The following SDK1 variants were observed in gnomAD, a reference collection of about 807,000 sequenced individuals.
SDK1 encodes the protein sidekick cell adhesion molecule 1.
SDK1 carries 157 observed loss-of-function variants against 245.5 expected under a neutral mutation model. That is an observed-to-expected ratio of 0.64 (90% CI 0.56 to 0.73). SDK1 has a LOEUF of 0.73. Ranked by LOEUF, SDK1 falls within the 30% of genes least tolerant of loss-of-function variation. The pLI is 0.00. For synonymous variants in SDK1, 1,647 were observed against 1,278.5 expected (o/e 1.29, Z -6.15); for missense variants, 3,583 against 3,002.3 (o/e 1.19, Z -4.52).
At chr7:4,237,164 C>A (rs1286013931) in intron 41 of SDK1, among the ~76,000 whole-genome samples, 1 of 152,152 alleles carries the variant, frequency 6.6e-6, no homozygotes, top group African/African-American at 2.4e-5. Context: ...AGTGCTGGGA[C>A]TTCAGGCACA....
At chr7:3,535,949 C>T (rs922856724) in intron 1 of SDK1, among the ~76,000 whole-genome samples, 2 of 151,922 alleles carry the variant, frequency 1.3e-5, no homozygotes, top group African/African-American at 4.8e-5. Context: ...TATTACTAGT[C>T]AATATCTAGT....
At chr7:3,439,336 A>C (rs1467087659) in intron 1 of SDK1, among the ~76,000 whole-genome samples, 2 of 152,168 alleles carry the variant, frequency 1.3e-5, no homozygotes, top group African/African-American at 4.8e-5. Flanking sequence ...ATGTTTCTCA[A>C]GTCATCATAT....
rs1014502425 is a variant in SDK1, at chr7:4,070,699, C to A, written c.3010+2763C>A. Among the ~76,000 whole-genome samples, 22 of 151,482 alleles carry A rather than the reference C, an allele frequency of 1.5e-4. 1 individual carries two copies. The highest frequency in any genetic ancestry group is 1.4e-3 in the Admixed American group (22 of 15,226). On this transcript the variant is annotated intron_variant, in intron 20 of 44. Transcript: ENST00000404826. ...ACACAAGGTCACCTTGGAGCCAGTGCCACCTCTCAAATTTTTTTTTTTTTT... is the reference window on the plus strand; with the variant it reads ...ACACAAGGTCACCTTGGAGCCAGTGACACCTCTCAAATTTTTTTTTTTTTT...
chr7:3,806,310 ATGT>A (rs1479079722), intron 4 of SDK1, among the ~76,000 whole-genome samples: 18 of 132,380 alleles, frequency 1.4e-4, no homozygotes, highest in Non-Finnish European at 1.7e-4. Context: ...TAGGATGTGG[ATGT>A]CCACATTAGG....
At chr7:4,088,209 T>C (rs1411375148) in intron 22 of SDK1, among the ~76,000 whole-genome samples, 1 of 152,194 alleles carries the variant, frequency 6.6e-6, no homozygotes, top group East Asian at 1.9e-4. Flanking sequence ...AATTCTCTTG[T>C]TAGTTGGTTA....
chr7:3,328,295 T>C (rs1251041022), intron 1 of SDK1, among the ~76,000 whole-genome samples: 1 of 152,122 alleles, frequency 6.6e-6, no homozygotes, highest in Non-Finnish European at 1.5e-5. Context: ...AAGTAATATA[T>C]CATAAAACAG....
At chr7:4,081,013 G>A (rs1584058097) in intron 22 of SDK1, among the ~76,000 whole-genome samples, 2 of 152,326 alleles carry the variant, frequency 1.3e-5, no homozygotes, top group East Asian at 1.9e-4. Context: ...AAATCCATCT[G>A]CAGAAGTAGC....
At chr7:3,520,308 A>G (rs367575409) in intron 1 of SDK1, among the ~76,000 whole-genome samples, 5 of 152,190 alleles carry the variant, frequency 3.3e-5, no homozygotes, top group African/African-American at 7.2e-5. Context: ...TGATTTATCT[A>G]TATTTAGGTT....
At chr7:3,511,714 A>C (rs557721427) in intron 1 of SDK1, among the ~76,000 whole-genome samples, 6 of 152,238 alleles carry the variant, frequency 3.9e-5, no homozygotes, top group African/African-American at 1.2e-4. Context: ...TTAAAGCATA[A>C]AAAGTTTAAA....
intron 30 of SDK1, among the ~76,000 whole-genome samples, chr7:4,152,923 G>A (rs1780480654): frequency 6.6e-6 from 1 of 152,214 alleles, no homozygotes; most frequent in African/African-American, 2.4e-5. Context: ...GCCAGTGTCT[G>A]GTTGGTGGTT....
intron 14 of SDK1, among the ~76,000 whole-genome samples, chr7:3,990,973 A>G (rs1784259831): frequency 6.6e-6 from 1 of 152,234 alleles, no homozygotes; most frequent in South Asian, 2.1e-4. Flanking sequence ...CGGTGAAGCC[A>G]GCTGGGCATC....
At chr7:3,484,131 G>A (rs1376250332) in intron 1 of SDK1, among the ~76,000 whole-genome samples, 2 of 152,132 alleles carry the variant, frequency 1.3e-5, no homozygotes, top group Admixed American at 1.3e-4. Flanking sequence ...GTTGATTCCA[G>A]GGTCCCCTGT....
intron 35 of SDK1, among the ~76,000 whole-genome samples, chr7:4,190,627 C>A (rs1196845919): frequency 6.6e-6 from 1 of 152,252 alleles, no homozygotes; most frequent in Non-Finnish European, 1.5e-5. Flanking sequence ...TTCTCCAATG[C>A]GCTGCACCCG....
intron 4 of SDK1, among the ~76,000 whole-genome samples, chr7:3,800,248 C>A (rs1457986780): frequency 6.6e-6 from 1 of 152,152 alleles, no homozygotes; most frequent in African/African-American, 2.4e-5. Flanking sequence ...TCTTAGCCAG[C>A]TGGCACTGGA....
At chr7:4,057,568 T>C (rs543512579) in intron 19 of SDK1, among the ~76,000 whole-genome samples, 1 of 151,948 alleles carries the variant, frequency 6.6e-6, no homozygotes, top group South Asian at 2.1e-4. Context: ...ACCCACCTGC[T>C]TGGCCCCCTG....
intron 1 of SDK1, among the ~76,000 whole-genome samples, chr7:3,314,667 C>G (rs771653917): frequency 1.1e-4 from 16 of 152,196 alleles, no homozygotes; most frequent in Non-Finnish European, 1.9e-4. Context: ...CCATCTGCAT[C>G]TCTAACTTTG....
intron 15 of SDK1, 101 bp from the exon 16 acceptor site, chr7:4,011,994 A>G (rs1786007194): frequency 1.6e-5 from 17 of 1,076,362 alleles, no homozygotes; most frequent in Non-Finnish European, 2.1e-5. Context: ...GATTTTTGTG[A>G]ATAGTCAGGC....
chr7:3,676,413 C>T (rs1391274618), intron 4 of SDK1, among the ~76,000 whole-genome samples: 3 of 151,190 alleles, frequency 2.0e-5, no homozygotes, highest in African/African-American at 4.9e-5. Flanking sequence ...GCAAGCTCCA[C>T]CTCCCAGGTT....
chr7:3,529,807 C>T (rs1783278921), intron 1 of SDK1, among the ~76,000 whole-genome samples: 2 of 152,148 alleles, frequency 1.3e-5, no homozygotes, highest in Admixed American at 1.3e-4. Context: ...GGGCTATGCT[C>T]ACATCACGTG....
Sources: allele counts gnomAD v4.1 joint callset (sites outside exome capture counted in the v4.1 genomes callset), GRCh38; gene constraint gnomAD v4.1.1; transcripts MANE v1.5; gene names NCBI Gene and HGNC (gene_info 2026-07-23, HGNC 2026-07-21).